STK32B: variants seen among roughly 807,000 people sequenced by gnomAD.
STK32B encodes serine/threonine kinase 32B, also known as serine/threonine-protein kinase 32B.
Under a neutral mutation model 52.6 loss-of-function variants are expected in STK32B, and 43 were observed. The ratio of observed to expected loss-of-function variants is 0.82; its 90% confidence interval spans 0.64 to 1.05. STK32B has a LOEUF of 1.05. Ranked by LOEUF, STK32B falls within the 50% of genes least tolerant of loss-of-function variation. STK32B has a pLI of 0.00. For missense variants in STK32B, 621 were observed against 534.6 expected, an observed-to-expected ratio of 1.16 and a Z score of -1.59; for synonymous variants, 238 against 204.3, an observed-to-expected ratio of 1.17 and a Z score of -1.41.
chr4:5,208,689 C>A (rs1356684108), intron 3 of STK32B, among the ~76,000 whole-genome samples: 1 of 152,040 alleles, frequency 6.6e-6, no homozygotes, highest in Non-Finnish European at 1.5e-5. Context: ...ATCCTCAATG[C>A]CACTGATAAA....
intron 3 of STK32B, among the ~76,000 whole-genome samples, chr4:5,179,844 G>A (rs1338151246): frequency 6.6e-6 from 1 of 152,226 alleles, no homozygotes; most frequent in Non-Finnish European, 1.5e-5. Flanking sequence ...TTTCCCCTGT[G>A]TTAGCTTTAT....
intron 2 of STK32B, among the ~76,000 whole-genome samples, chr4:5,160,405 T>C (rs1409205551): frequency 6.6e-6 from 1 of 152,192 alleles, no homozygotes; most frequent in South Asian, 2.1e-4. Context: ...TGCCACGGCA[T>C]GTCTCATCTC....
At chr4:5,178,407 T>G (rs1000525219) in intron 3 of STK32B, among the ~76,000 whole-genome samples, 4 of 152,172 alleles carry the variant, frequency 2.6e-5, no homozygotes, top group African/African-American at 9.7e-5. Context: ...CCCATAGGCC[T>G]CTGGGCCTGT....
upstream of STK32B, among the ~76,000 whole-genome samples, chr4:5,048,897 A>G (rs564535530): frequency 6.6e-6 from 1 of 152,366 alleles, no homozygotes; most frequent in Non-Finnish European, 1.5e-5. Flanking sequence ...AGAGTCAGGC[A>G]CATTCTCTAT....
chr4:5,253,625 C>T (rs1035961941), intron 3 of STK32B, among the ~76,000 whole-genome samples: 1 of 152,068 alleles, frequency 6.6e-6, no homozygotes, highest in Non-Finnish European at 1.5e-5. Flanking sequence ...ATCCACCCAC[C>T]TCGGCCTCCA....
At chr4:5,230,534 G>T (rs1391703450) in intron 3 of STK32B, among the ~76,000 whole-genome samples, 1 of 152,090 alleles carries the variant, frequency 6.6e-6, no homozygotes, top group East Asian at 1.9e-4. Context: ...TGTGGCCTGT[G>T]GAGAACTCCA....
intron 3 of STK32B, among the ~76,000 whole-genome samples, chr4:5,182,521 A>G (rs868449297): frequency 3.3e-5 from 5 of 151,026 alleles, no homozygotes; most frequent in South Asian, 2.1e-4. Context: ...GAGTGCAGTG[A>G]TGCGATCTCA....
rs1737063872 is a variant in STK32B at position 5,398,427 on chromosome 4, T to G, written c.472+183T>G. Among the ~76,000 whole-genome samples, 1 of 152,218 alleles carries G rather than the reference T, an allele frequency of 6.6e-6. No homozygotes were observed. Among genetic ancestry groups the G allele is most frequent in the Non-Finnish European group, 1.5e-5 (1 of 68,048 alleles). On this transcript the variant is annotated intron_variant, in intron 5 of 11. Coordinates refer to ENST00000282908, the MANE Select transcript of STK32B (RefSeq NM_018401.3). This position sits in a 1 kb window ranked among gnomAD's most constrained non-coding sequence, Gnocchi z 4.9. ...ATTTCTGGTCCATGTCCTGCCGTGG[T>G]AAGTTGAATCAAAGTTATTTAAACT...
chr4:5,077,343 C>T (rs1432363940), intron 1 of STK32B, among the ~76,000 whole-genome samples: 1 of 152,226 alleles, frequency 6.6e-6, no homozygotes, highest in African/African-American at 2.4e-5. Context: ...GTCCAACCCT[C>T]TTGGTGGTGC....
rs1390912598 is a variant in STK32B, at chr4:5,416,945, C to G, written c.562+11C>G. The G allele has an allele frequency of 5.0e-6, 8 of 1,606,726 alleles. No homozygotes were observed. Among genetic ancestry groups the G allele is most frequent in the Non-Finnish European group, 6.8e-6 (8 of 1,176,484 alleles). ...CCAAGCCCTACATGGGTGAGTGTTC[C>G]AGGCCCCTTCTTTTCATGTGATCGG... On this transcript the variant is annotated intron_variant, in intron 6 of 11. Coordinates refer to ENST00000282908, the MANE Select transcript of STK32B (RefSeq NM_018401.3).
At chr4:5,101,909 C>T (rs941736110) in intron 1 of STK32B, among the ~76,000 whole-genome samples, 6 of 152,194 alleles carry the variant, frequency 3.9e-5, no homozygotes, top group African/African-American at 1.2e-4. Flanking sequence ...TGAGTTAATT[C>T]TTTCCACAGA....
intron 3 of STK32B, among the ~76,000 whole-genome samples, chr4:5,180,009 T>C (rs1333540110): frequency 4.6e-5 from 7 of 152,150 alleles, no homozygotes. Flanking sequence ...AGGAGGTTTG[T>C]CCCATTGAGT....
At chr4:5,084,460 T>C (rs901717511) in intron 1 of STK32B, among the ~76,000 whole-genome samples, 6 of 152,124 alleles carry the variant, frequency 3.9e-5, no homozygotes, top group Non-Finnish European at 8.8e-5. Context: ...TTTGAAGACA[T>C]GAAAAAAATG....
At chr4:5,101,657 T>C (rs1713795101) in intron 1 of STK32B, among the ~76,000 whole-genome samples, 2 of 152,180 alleles carry the variant, frequency 1.3e-5, no homozygotes. Flanking sequence ...GTTTTCTTTC[T>C]TTGCTATTTT....
rs185982496 is a variant in STK32B, at chr4:5,408,369, C to T, written c.473-8476C>T. The stretch of plus-strand genomic sequence containing the variant: ...TTTAAATGCAGGTAGCACCTACCCC[C>T]GTCTCTCTTCCTCCTGCTCCATCCA... On this transcript the variant is annotated intron_variant, in intron 5 of 11. Coordinates refer to ENST00000282908, the MANE Select transcript of STK32B (RefSeq NM_018401.3). 7.2e-5 allele frequency among the ~76,000 whole-genome samples: 11 copies of T among 152,118 alleles called. No homozygotes were observed. The East Asian group carries it at 1.7e-3, about 24-fold the overall frequency.
At chr4:5,130,112 G>C (rs1715658209) in intron 1 of STK32B, among the ~76,000 whole-genome samples, 1 of 151,818 alleles carries the variant, frequency 6.6e-6, no homozygotes, top group East Asian at 1.9e-4. Context: ...GTGAGGTAGG[G>C]AGTACCAAGG....
intron 4 of STK32B, among the ~76,000 whole-genome samples, chr4:5,357,088 TACACAC>T (rs33916543): frequency 0.18 from 26,500 of 148,274 alleles, 2,439 homozygotes; most frequent in Admixed American, 0.26. Flanking sequence ...CACACACGTA[TACACAC>T]ACACACACAC....
intron 3 of STK32B, among the ~76,000 whole-genome samples, chr4:5,304,608 T>C (rs186305029): frequency 2.0e-4 from 30 of 152,196 alleles, no homozygotes; most frequent in Non-Finnish European, 3.5e-4. Context: ...TTTCTAGGTA[T>C]ACAATCATGT....
intron 5 of STK32B, among the ~76,000 whole-genome samples, chr4:5,405,690 A>G (rs1421353251): frequency 2.6e-5 from 4 of 152,132 alleles, no homozygotes; most frequent in African/African-American, 7.2e-5. Flanking sequence ...AGTCAGGGGA[A>G]GTGCTACACA....
Sources: allele counts gnomAD v4.1 joint callset (sites outside exome capture counted in the v4.1 genomes callset), GRCh38; gene constraint gnomAD v4.1.1; non-coding constraint Gnocchi (gnomAD v3.1); transcripts MANE v1.5; gene names NCBI Gene and HGNC (gene_info 2026-07-23, HGNC 2026-07-21).